The following TTC39C variants were observed in gnomAD, a reference collection of about 807,000 sequenced individuals.
The protein encoded by TTC39C is tetratricopeptide repeat domain 39C, also known as tetratricopeptide repeat protein 39C.
In TTC39C, 33 loss-of-function variants were observed where a neutral mutation model predicts 76.3. That is an observed-to-expected ratio of 0.43 (90% CI 0.33 to 0.58). The LOEUF is 0.58. Ranked by LOEUF, TTC39C falls within the 20% of genes least tolerant of loss-of-function variation. The pLI is 0.04. For missense variants in TTC39C, 595 were observed against 701.4 expected (o/e 0.85, Z 1.71); for synonymous variants, 254 against 260.6 (o/e 0.97, Z 0.24).
rs116174808 is a variant in TTC39C at position 24,074,390 on chromosome 18, C to T, written c.460+5119C>T. Among the ~76,000 whole-genome samples, 392 of 152,170 alleles carry T rather than the reference C, an allele frequency of 2.6e-3. 4 individuals are homozygous for T. The highest frequency in any genetic ancestry group is 9.2e-3 in the African/African-American group (382 of 41,494). ...GCATGTGGGAGTTATTTATATCCTA[C>T]GGTTCAAGGTCATTGCCAAGATCTG... On this transcript the variant is annotated intron_variant, in intron 4 of 13. Coordinates refer to ENST00000317571, the MANE Select transcript of TTC39C (RefSeq NM_001135993.2).
At chr18:24,036,560 C>T (rs911406138) in intron 1 of TTC39C, among the ~76,000 whole-genome samples, 7 of 152,136 alleles carry the variant, frequency 4.6e-5, no homozygotes, top group South Asian at 2.1e-4. Flanking sequence ...GTGTTGATTT[C>T]GTATCTTGCA....
intron 4 of TTC39C, among the ~76,000 whole-genome samples, chr18:24,071,545 T>C (rs1447913435): frequency 6.6e-6 from 1 of 152,214 alleles, no homozygotes; most frequent in Non-Finnish European, 1.5e-5. Context: ...TTTGCAAAAT[T>C]GAATCTAAAG....
At chr18:23,998,464 G>A (rs2083285860) in intron 1 of TTC39C, among the ~76,000 whole-genome samples, 1 of 152,152 alleles carries the variant, frequency 6.6e-6, no homozygotes. Flanking sequence ...ATGAAAATTA[G>A]CCGAGTGTGA....
rs1204700609 is a variant in TTC39C, at chr18:24,110,998, T to C, written c.985-3556T>C. Among the ~76,000 whole-genome samples, 4 of 151,846 alleles carry C rather than the reference T, an allele frequency of 2.6e-5. No homozygotes were observed. The South Asian group carries it at 8.3e-4, about 32-fold the overall frequency. On this transcript the variant is annotated intron_variant, in intron 6 of 13. Coordinates refer to ENST00000317571, the MANE Select transcript of TTC39C (RefSeq NM_001135993.2). Reference sequence around the variant, plus strand: ...CCATGGTGGACCAGAGAAAGACTTTTTTTTTTTTTTGAGATGGAGTCTCAC... The same window carrying C: ...CCATGGTGGACCAGAGAAAGACTTTCTTTTTTTTTTGAGATGGAGTCTCAC...
chr18:24,090,339 G>T (rs924210697), intron 6 of TTC39C, among the ~76,000 whole-genome samples: 2 of 151,976 alleles, frequency 1.3e-5, no homozygotes, highest in African/African-American at 4.8e-5. Flanking sequence ...AGAAATAGGG[G>T]GCCAGAATAT....
At chr18:24,040,528 T>C (rs1468182163) in intron 1 of TTC39C, among the ~76,000 whole-genome samples, 1 of 152,230 alleles carries the variant, frequency 6.6e-6, no homozygotes, top group Non-Finnish European at 1.5e-5. Context: ...TTATTTCATG[T>C]AGTTACATAA....
intron 1 of TTC39C, among the ~76,000 whole-genome samples, chr18:24,023,991 TATATATATA>T (rs2083560463): frequency 1.9e-4 from 1 of 5,396 alleles, no homozygotes; most frequent in African/African-American, 5.6e-4. Flanking sequence ...CATATATATA[TATATATATA>T]TATATATATA....
intron 1 of TTC39C, chr18:24,019,892 C>G (rs967995051): frequency 1.3e-6 from 2 of 1,526,238 alleles, no homozygotes; most frequent in Admixed American, 2.1e-5. Context: ...AAAACCTCAG[C>G]GCTTCCTGGA....
At chr18:24,058,922 T>A (rs2084053553) in intron 1 of TTC39C, among the ~76,000 whole-genome samples, 3 of 152,162 alleles carry the variant, frequency 2.0e-5, no homozygotes, top group Admixed American at 1.3e-4. Context: ...TACCCTCATT[T>A]GTGAAGTGCC....
intron 13 of TTC39C, 60 bp from the exon 14 acceptor site, chr18:24,132,425 A>G: frequency 1.3e-6 from 2 of 1,492,308 alleles, no homozygotes; most frequent in Non-Finnish European, 1.9e-6. Flanking sequence ...GCTTTATACC[A>G]CAGTACCCTG....
At chr18:24,059,275 G>T (rs370172898) in intron 1 of TTC39C, among the ~76,000 whole-genome samples, 1 of 152,110 alleles carries the variant, frequency 6.6e-6, no homozygotes, top group Non-Finnish European at 1.5e-5. Flanking sequence ...AAAAACTTGT[G>T]TCATGGAGAT....
chr18:24,069,503 C>T (rs561939705), intron 4 of TTC39C, among the ~76,000 whole-genome samples: 1 of 152,250 alleles, frequency 6.6e-6, no homozygotes, highest in African/African-American at 2.4e-5. Flanking sequence ...AGAATTCTGT[C>T]ATACTGACAG....
chr18:24,057,316 T>C (rs1236507696), intron 1 of TTC39C, among the ~76,000 whole-genome samples: 1 of 152,256 alleles, frequency 6.6e-6, no homozygotes, highest in Non-Finnish European at 1.5e-5. Context: ...ATCATTTATC[T>C]GATTGTTTTT....
At chr18:24,020,844 C>T (rs1481658558) in intron 1 of TTC39C, among the ~76,000 whole-genome samples, 1 of 151,978 alleles carries the variant, frequency 6.6e-6, no homozygotes, top group South Asian at 2.1e-4. Context: ...ACCTTTTTTC[C>T]CCTCATTTAG....
chr18:24,099,793 T>G (rs950970664), intron 6 of TTC39C, among the ~76,000 whole-genome samples: 1 of 152,106 alleles, frequency 6.6e-6, no homozygotes, highest in Non-Finnish European at 1.5e-5. Context: ...TTTTAATAAC[T>G]TCCCTTATTT....
intron 1 of TTC39C, among the ~76,000 whole-genome samples, chr18:24,045,559 GTCTGTATT>G (rs765415102): frequency 5.9e-5 from 9 of 151,926 alleles, no homozygotes; most frequent in Non-Finnish European, 1.2e-4. Context: ...AGTTTTCACT[GTCTGTATT>G]TCTACTCTGG....
Position 24,118,094 on chromosome 18 carries a change from G to A in TTC39C, c.1079-31G>A, listed in dbSNP as rs371098234. On this transcript the variant is annotated intron_variant, in intron 7 of 13. Transcript: ENST00000317571. ...ATGGGTCATAGAGCTCAGTACTTTAGGGTCATGTGCTAAAAATATTTCTTT... is the reference window on the plus strand; with the variant it reads ...ATGGGTCATAGAGCTCAGTACTTTAAGGTCATGTGCTAAAAATATTTCTTT... 29 of 1,581,432 alleles carry A rather than the reference G, an allele frequency of 1.8e-5. No individual in the cohort carries two copies. In the African/African-American group the frequency reaches 2.7e-4, roughly 15 times the overall value.
At chr18:24,064,549 A>G (rs993423879) in intron 2 of TTC39C, among the ~76,000 whole-genome samples, 5 of 152,228 alleles carry the variant, frequency 3.3e-5, no homozygotes, top group African/African-American at 1.2e-4. Context: ...CTAGAAGTCA[A>G]GTTAAATGAG....
intron 1 of TTC39C, among the ~76,000 whole-genome samples, chr18:24,007,358 T>C (rs9964798): frequency 0.42 from 62,615 of 149,830 alleles, 15,649 homozygotes; most frequent in East Asian, 0.72. Flanking sequence ...AATGAAGAAC[T>C]CTAAAATGTA....
Sources: allele counts gnomAD v4.1 joint callset (sites outside exome capture counted in the v4.1 genomes callset), GRCh38; gene constraint gnomAD v4.1.1; transcripts MANE v1.5; gene names NCBI Gene and HGNC (gene_info 2026-07-23, HGNC 2026-07-21).